The following PDE7A variants were observed in gnomAD, a reference collection of about 807,000 sequenced individuals.
The protein encoded by PDE7A is high affinity 3',5'-cyclic-AMP phosphodiesterase 7A.
In PDE7A, 39 loss-of-function variants were observed where a neutral mutation model predicts 64.3. The observed-to-expected ratio is 0.61, with a 90% confidence interval of 0.47 to 0.79. The LOEUF is 0.79. Ranked by LOEUF, PDE7A falls within the 30% of genes least tolerant of loss-of-function variation. The pLI, the probability that PDE7A is intolerant of heterozygous loss-of-function variation, is 0.00. For synonymous variants in PDE7A, 203 were observed against 206.8 expected (o/e 0.98, Z 0.16); for missense variants, 470 against 582.8 (o/e 0.81, Z 1.99).
At chr8:65,795,252 C>T (rs1293020911) in intron 1 of PDE7A, among the ~76,000 whole-genome samples, 2 of 152,158 alleles carry the variant, frequency 1.3e-5, no homozygotes, top group Non-Finnish European at 2.9e-5. Context: ...CCTAACATTG[C>T]CCAGGCTCCT....
intron 3 of PDE7A, among the ~76,000 whole-genome samples, chr8:65,769,247 C>CAAAAAAAAAAAAA (rs61554087): frequency 2.7e-5 from 2 of 74,462 alleles, no homozygotes; most frequent in African/African-American, 5.1e-5. Context: ...GACTCAGTCT[C>CAAAAAAAAAAAAA]AAAAAAAAAA....
chr8:65,812,532 A>T (rs1458669755), intron 1 of PDE7A, among the ~76,000 whole-genome samples: 1 of 152,204 alleles, frequency 6.6e-6, no homozygotes, highest in East Asian at 1.9e-4. Context: ...TATTCTAAGC[A>T]TGATATAGCA....
chr8:65,833,783 G>A (rs1810887052), intron 1 of PDE7A, among the ~76,000 whole-genome samples: 1 of 152,038 alleles, frequency 6.6e-6, no homozygotes, highest in African/African-American at 2.4e-5. Flanking sequence ...GGGCAACATG[G>A]CAAAACCCCA....
intron 5 of PDE7A, among the ~76,000 whole-genome samples, chr8:65,744,057 T>C (rs937578595): frequency 4.6e-5 from 7 of 152,192 alleles, no homozygotes; most frequent in Non-Finnish European, 8.8e-5. Context: ...GGTCTTAAAC[T>C]CCTGACCTCA....
intron 1 of PDE7A, among the ~76,000 whole-genome samples, chr8:65,813,160 T>A (rs1810297291): frequency 6.6e-6 from 1 of 152,190 alleles, no homozygotes; most frequent in African/African-American, 2.4e-5. Flanking sequence ...AGAATGTAAG[T>A]TAGCATAACC....
At chr8:65,822,745 T>C (rs748002842) in intron 1 of PDE7A, among the ~76,000 whole-genome samples, 10 of 152,146 alleles carry the variant, frequency 6.6e-5, no homozygotes, top group Non-Finnish European at 1.2e-4. Context: ...AAGAAAGTTA[T>C]AGATACATGG....
At chr8:65,801,570 A>G (rs1220880467) in intron 1 of PDE7A, among the ~76,000 whole-genome samples, 1 of 152,166 alleles carries the variant, frequency 6.6e-6, no homozygotes. Context: ...AACGGAATAC[A>G]ATGAGCAATA....
At chr8:65,742,020 C>A (rs1248597484) in intron 5 of PDE7A, among the ~76,000 whole-genome samples, 1 of 152,128 alleles carries the variant, frequency 6.6e-6, no homozygotes, top group East Asian at 1.9e-4. Flanking sequence ...AAGATACCAA[C>A]TGAGGATTAT....
rs113923652 is a variant in PDE7A, at chr8:65,755,024, A to AT, written c.284-7222dup. 9.0e-3 allele frequency among the ~76,000 whole-genome samples: 1,236 copies of AT among 136,786 alleles called. 10 individuals carry two copies. Among genetic ancestry groups the AT allele is most frequent in the African/African-American group, 9.8e-3 (366 of 37,320 alleles). The allele number at this position is 136,786 out of a possible 152,430, so 89.7% of individuals were successfully genotyped here. On this transcript the variant is annotated intron_variant, in intron 3 of 12. Transcript: ENST00000401827. ...TGCCTGTTTATTTTTTTTTTCACTTATTTTTTTTTTTTTTGAGACAGAGTC... is the reference window on the plus strand; with the variant it reads ...TGCCTGTTTATTTTTTTTTTCACTTATTTTTTTTTTTTTTTGAGACAGAGTC...
intron 1 of PDE7A, among the ~76,000 whole-genome samples, chr8:65,807,245 C>A (rs1585933366): frequency 6.6e-6 from 1 of 152,298 alleles, no homozygotes; most frequent in East Asian, 1.9e-4. Context: ...ATACACTTTG[C>A]ACTCCCTTTG....
chr8:65,790,769 T>G (rs553059835), intron 1 of PDE7A, among the ~76,000 whole-genome samples: 1 of 152,234 alleles, frequency 6.6e-6, no homozygotes, highest in African/African-American at 2.4e-5. Context: ...ATTTTTGCCA[T>G]GAGACTAGCT....
chr8:65,777,077 CTTTTTT>C (rs56661178), intron 3 of PDE7A, among the ~76,000 whole-genome samples: 1 of 90,460 alleles, frequency 1.1e-5, no homozygotes, highest in Middle Eastern at 5.8e-3. Flanking sequence ...TTATCAAATG[CTTTTTT>C]TTTTTTTTTT....
At chr8:65,823,440 A>G (rs921088577) in intron 1 of PDE7A, among the ~76,000 whole-genome samples, 3 of 152,168 alleles carry the variant, frequency 2.0e-5, no homozygotes, top group African/African-American at 7.2e-5. Context: ...CTCCTTAAAA[A>G]CTTAAAAGTT....
chr8:65,761,191 G>A (rs1044436120), intron 3 of PDE7A, among the ~76,000 whole-genome samples: 24 of 151,868 alleles, frequency 1.6e-4, no homozygotes, highest in Admixed American at 3.3e-4. Context: ...TCAGCCTCCC[G>A]AGTAGCTGGG....
chr8:65,744,863 T>C (rs1375851658), intron 5 of PDE7A, among the ~76,000 whole-genome samples: 3 of 152,154 alleles, frequency 2.0e-5, no homozygotes, highest in Non-Finnish European at 4.4e-5. Context: ...AACATAAAAT[T>C]ATGAGATTGA....
intron 1 of PDE7A, among the ~76,000 whole-genome samples, chr8:65,824,229 T>TGATAGTGATCGG (rs1810611645): frequency 6.6e-6 from 1 of 152,226 alleles, no homozygotes; most frequent in Non-Finnish European, 1.5e-5. Context: ...TGGTGATCTG[T>TGATAGTGATCGG]GATAGTGATC....
chr8:65,783,333 A>G (rs965477515), intron 1 of PDE7A, among the ~76,000 whole-genome samples: 4 of 152,140 alleles, frequency 2.6e-5, no homozygotes, highest in Non-Finnish European at 5.9e-5. Flanking sequence ...GGGCTCCCCA[A>G]ACGTTACTTT....
At chr8:65,737,433 T>C (rs1456073819) in intron 6 of PDE7A, among the ~76,000 whole-genome samples, 1 of 152,204 alleles carries the variant, frequency 6.6e-6, no homozygotes, top group East Asian at 1.9e-4. Context: ...TGCAAAATTG[T>C]ATCTGTAGAG....
intron 7 of PDE7A, among the ~76,000 whole-genome samples, chr8:65,733,488 G>A (rs937954267): frequency 1.3e-5 from 2 of 152,128 alleles, no homozygotes; most frequent in African/African-American, 2.4e-5. Flanking sequence ...GGGCAATAGA[G>A]TGAGACCCTG....
Sources: gnomAD v4.1 joint callset for allele counts (sites outside exome capture counted in the v4.1 genomes callset) on GRCh38, gnomAD v4.1.1 for gene constraint, MANE v1.5 for transcripts, NCBI Gene and HGNC (gene_info 2026-07-23, HGNC 2026-07-21) for gene names.